The following FAM227B variants were observed in gnomAD, a reference collection of about 807,000 sequenced individuals.
FAM227B encodes the protein protein FAM227B.
In FAM227B, 88 loss-of-function variants were observed where a neutral mutation model predicts 73.8. The observed-to-expected ratio is 1.19, with a 90% CI of 1.00 to 1.42. FAM227B has a LOEUF of 1.42. Among genes scored for constraint, FAM227B ranks in the 40% most tolerant of loss-of-function variants. FAM227B has a pLI of 0.00. For synonymous variants in FAM227B, 210 were observed against 190.5 expected, an observed-to-expected ratio of 1.10 and a Z score of -0.84; for missense variants, 632 against 590.9, an observed-to-expected ratio of 1.07 and a Z score of -0.72.
At chr15:49,569,531 T>G (rs1737838295) in intron 8 of FAM227B, among the ~76,000 whole-genome samples, 1 of 151,926 alleles carries the variant, frequency 6.6e-6, no homozygotes, top group South Asian at 2.1e-4. Context: ...TTGTGTTTAT[T>G]TATAGGGTAC....
At chr15:49,525,718 A>ATATC (rs1567487625) in intron 10 of FAM227B, among the ~76,000 whole-genome samples, 1 of 92,344 alleles carries the variant, frequency 1.1e-5, no homozygotes, top group African/African-American at 3.9e-5. Context: ...ATATATATAT[A>ATATC]TCACAAACAG....
intron 5 of FAM227B, among the ~76,000 whole-genome samples, chr15:49,582,024 C>T (rs1168217133): frequency 2.6e-5 from 4 of 152,138 alleles, no homozygotes; most frequent in Non-Finnish European, 5.9e-5. Flanking sequence ...CCTGGCTGTA[C>T]CTGCTTGCAG....
rs1044180579 is a variant in FAM227B, at chr15:49,401,294, C to T, written c.1013-29895G>A. 1.7e-3 allele frequency among the ~76,000 whole-genome samples: 258 copies of T among 152,378 alleles called. 4 individuals carry two copies. In the East Asian group the frequency reaches 0.027, roughly 16 times the overall value. ...ATCAGAGAAATGCAAATCAAAACCACAATGTGATACCATTTCACACCAGTT... is the reference window on the plus strand; with the variant it reads ...ATCAGAGAAATGCAAATCAAAACCATAATGTGATACCATTTCACACCAGTT... On this transcript the variant is annotated intron_variant, in intron 11 of 15. Coordinates refer to ENST00000299338, the MANE Select transcript of FAM227B (RefSeq NM_152647.3).
chr15:49,493,363 T>C (rs2057287925), intron 11 of FAM227B, among the ~76,000 whole-genome samples: 1 of 152,040 alleles, frequency 6.6e-6, no homozygotes, highest in Admixed American at 6.6e-5. Context: ...TCCAATCTCC[T>C]CACTGTTCAC....
chr15:49,332,322 G>A (rs1350546005), intron 14 of FAM227B, among the ~76,000 whole-genome samples: 1 of 152,220 alleles, frequency 6.6e-6, no homozygotes, highest in African/African-American at 2.4e-5. Flanking sequence ...GGAGAGAAGA[G>A]TAAAAGAGAC....
chr15:49,611,386 A>T, intron 2 of FAM227B, 118 bp from the exon 3 acceptor site: 4 of 535,702 alleles, frequency 7.5e-6, no homozygotes, highest in Non-Finnish European at 1.3e-5. Flanking sequence ...GAGCGGTAAG[A>T]TATCATAAAA....
At chr15:49,330,730 A>G (rs2038521203) in intron 15 of FAM227B, 1 of 150,082 alleles carries the variant, frequency 6.7e-6, no homozygotes, top group Admixed American at 6.6e-5. Flanking sequence ...TATCAATAGT[A>G]GGGAAGATAG....
chr15:49,573,037 T>C (rs1256285746), intron 8 of FAM227B, among the ~76,000 whole-genome samples: 1 of 151,972 alleles, frequency 6.6e-6, no homozygotes, highest in Non-Finnish European at 1.5e-5. Context: ...TTTCTCTTTC[T>C]GGAGAACTTT....
intron 11 of FAM227B, among the ~76,000 whole-genome samples, chr15:49,435,058 C>T (rs975063924): frequency 7.3e-5 from 11 of 151,204 alleles, no homozygotes; most frequent in African/African-American, 2.2e-4. Flanking sequence ...ATGTTCATTT[C>T]GAACACATAC....
intron 11 of FAM227B, among the ~76,000 whole-genome samples, chr15:49,456,175 G>A (rs1044454249): frequency 1.2e-4 from 18 of 151,970 alleles, no homozygotes; most frequent in African/African-American, 4.3e-4. Context: ...TTCCAGATAT[G>A]CTATATTTCA....
At chr15:49,378,919 C>CTAGA (rs2046343527) in intron 11 of FAM227B, among the ~76,000 whole-genome samples, 1 of 152,030 alleles carries the variant, frequency 6.6e-6, no homozygotes, top group African/African-American at 2.4e-5. Flanking sequence ...CAATATAATA[C>CTAGA]TAGATGTGGG....
intron 10 of FAM227B, among the ~76,000 whole-genome samples, chr15:49,523,909 G>A (rs1051461283): frequency 2.0e-4 from 30 of 152,288 alleles, no homozygotes; most frequent in African/African-American, 7.2e-4. Context: ...TCGAACTTGA[G>A]AGAGATGATT....
chr15:49,498,191 A>G (rs2057794048), intron 11 of FAM227B, among the ~76,000 whole-genome samples: 1 of 152,232 alleles, frequency 6.6e-6, no homozygotes, highest in Non-Finnish European at 1.5e-5. Flanking sequence ...GATAGGCAGT[A>G]CGTGAAGTGG....
intron 11 of FAM227B, among the ~76,000 whole-genome samples, chr15:49,386,655 C>A (rs2046903443): frequency 6.6e-6 from 1 of 151,592 alleles, no homozygotes; most frequent in South Asian, 2.1e-4. Context: ...CAGATCAGAG[C>A]AGAACTAAAT....
rs1555435385 is a variant in FAM227B, at chr15:49,328,598, G to A, written c.1497C>T (p.Asp499=). 1 of 1,595,508 alleles carries A rather than the reference G, an allele frequency of 6.3e-7. No individual in the cohort carries two copies. ...SSSSSSPSST[D]NYNFEEEEY Reference sequence around the variant, plus strand: ...ATTCTTCTTCCTCAAAGTTGTAGTTGTCTGTTGATGATGGTGATGATGATG... The same window carrying A: ...ATTCTTCTTCCTCAAAGTTGTAGTTATCTGTTGATGATGGTGATGATGATG... Residue 499 remains aspartate (D), a synonymous_variant, in exon 16 of 16, where the codon GAC becomes GAT. Transcript: ENST00000299338.
At chr15:49,506,812 G>A (rs1335579674) in intron 11 of FAM227B, among the ~76,000 whole-genome samples, 2 of 151,894 alleles carry the variant, frequency 1.3e-5, no homozygotes, top group Non-Finnish European at 2.9e-5. Flanking sequence ...AGTGCTTAGG[G>A]AAATTTAATC....
intron 11 of FAM227B, among the ~76,000 whole-genome samples, chr15:49,475,089 G>C (rs2055140436): frequency 6.6e-6 from 1 of 152,136 alleles, no homozygotes; most frequent in Admixed American, 6.6e-5. Flanking sequence ...AAGATCTATA[G>C]AATTGGTTAC....
chr15:49,498,185 G>C (rs1355120728), intron 11 of FAM227B, among the ~76,000 whole-genome samples: 1 of 152,154 alleles, frequency 6.6e-6, no homozygotes, highest in Non-Finnish European at 1.5e-5. Flanking sequence ...ATGACTGATA[G>C]GCAGTACGTG....
intron 9 of FAM227B, among the ~76,000 whole-genome samples, chr15:49,554,383 G>T (rs184435328): frequency 3.3e-5 from 5 of 152,160 alleles, no homozygotes; most frequent in Non-Finnish European, 7.3e-5. Context: ...CTTAAGAGTC[G>T]CAGTCCTTAT....
Sources: allele counts gnomAD v4.1 joint callset (sites outside exome capture counted in the v4.1 genomes callset), GRCh38; gene constraint gnomAD v4.1.1; transcripts MANE v1.5; gene names NCBI Gene and HGNC (gene_info 2026-07-23, HGNC 2026-07-21).